Variants in KCNG4 observed in about 807,000 individuals in gnomAD.
KCNG4 encodes the protein voltage-gated potassium channel regulatory subunit KCNG4.
Under a neutral mutation model 28.2 loss-of-function variants are expected in KCNG4, and 30 were observed. That is an observed-to-expected ratio of 1.06 (90% CI 0.80 to 1.44). The LOEUF (loss-of-function observed/expected upper bound fraction) is 1.44. KCNG4 is among the 40% of genes most tolerant of loss of function. KCNG4 has a pLI of 0.00. For missense variants in KCNG4, 879 were observed against 712.3 expected (o/e 1.23, Z -2.66); for synonymous variants, 375 against 315.5 (o/e 1.19, Z -2.00).
At chr16:84,224,403 T>TACACACACACACACACAC (rs58296563) in intron 2 of KCNG4, among the ~76,000 whole-genome samples, 30 of 58,664 alleles carry the variant, frequency 5.1e-4, no homozygotes, top group African/African-American at 1.1e-3. Context: ...TATACATATT[T>TACACACACACACACACAC]ACACACACAC....
rs756227613 is a variant in KCNG4, at chr16:84,222,739, G to T, written c.1038C>A (p.Tyr346Ter). 2 of 1,612,818 alleles carry T rather than the reference G, an allele frequency of 1.2e-6. No homozygotes were observed. The highest frequency in any genetic ancestry group is 1.1e-5 in the South Asian group (1 of 90,940). Reference sequence around the variant, plus strand: ...GCGAGTGGCGAGCCAGGCGCATCACGTAGAGGATGCGCAGCGCTCGCAGCA... The same window carrying T: ...GCGAGTGGCGAGCCAGGCGCATCACTTAGAGGATGCGCAGCGCTCGCAGCA... ...LRVLRALRIL[Y>*]VMRLARHSLG... Residue 346 changes from tyrosine (Y) to a stop codon, truncating the protein, a stop_gained, in exon 3 of 3, where the codon TAC becomes TAA. Transcript: ENST00000308251. LOFTEE classifies it high-confidence loss of function.
Position 84,222,911 on chromosome 16 carries a change from T to C in KCNG4, c.866A>G (p.Gln289Arg). The change falls in exon 3 of 3, where the codon CAG becomes CGG. Residue 289 changes from glutamine to arginine, a missense_variant. Coordinates refer to ENST00000308251, the MANE Select transcript of KCNG4 (RefSeq NM_172347.3). ...GATGTTCAGGGGCCCCTGGAAGAAC[T>C]GACACTTGTCTTGGGCCTGGACAAA... The part of the protein sequence containing the change: ...LRFVQAQDKC[Q>R]FFQGPLNIID... 6.2e-7 allele frequency: 1 copy of C among 1,611,276 alleles called. No homozygotes were observed.
rs1262739062 is a variant in KCNG4, at chr16:84,219,034, G to C, written c.*3183C>G. 1 of 152,256 alleles carries C rather than the reference G, an allele frequency of 6.6e-6. No individual in the cohort carries two copies. Among genetic ancestry groups the C allele is most frequent in the Non-Finnish European group, 1.5e-5 (1 of 68,070 alleles). The allele number at this position is 152,256 out of a possible 1,614,324, so 9.4% of individuals were successfully genotyped here. ...GTGGGTCCCAGACCTTCCAGTGGCT[G>C]TTTAGGCTTTGTCTCTGGTTCCAGA... On this transcript the variant is annotated 3_prime_UTR_variant, in exon 3 of 3. Transcript: ENST00000308251.
rs1327492442 is a variant in KCNG4, at chr16:84,237,010, C to T, written c.476G>A (p.Arg159Lys). The T allele has an allele frequency of 1.9e-6, 3 of 1,613,870 alleles. No individual in the cohort carries two copies. In the Admixed American group the frequency reaches 5.0e-5, roughly 27 times the overall value. The change falls in exon 2 of 3, where the codon AGG becomes AAG. Residue 159 changes from arginine (R) to lysine (K), a missense_variant. Coordinates refer to ENST00000308251, the MANE Select transcript of KCNG4 (RefSeq NM_172347.3). Reference sequence around the variant, plus strand: ...CCTCAGCAGCTTCCGCAGGCAGCACCTCTCCAGGTGGGCCTCCTCGATGCC... The same window carrying T: ...CCTCAGCAGCTTCCGCAGGCAGCACTTCTCCAGGTGGGCCTCCTCGATGCC... ...YWGIEEAHLE[R>K]CCLRKLLRKL...
chr16:84,229,815 A>C (rs1478825227), intron 2 of KCNG4, among the ~76,000 whole-genome samples: 2 of 152,236 alleles, frequency 1.3e-5, no homozygotes, highest in African/African-American at 4.8e-5. Context: ...CTTGGCTGGG[A>C]CATAGGGAGA....
rs1904589273 is a variant in KCNG4, at chr16:84,222,448, G to T, written c.1329C>A (p.Ile443=). 1 of 1,614,016 alleles carries T rather than the reference G, an allele frequency of 6.2e-7. No individual in the cohort carries two copies. Among genetic ancestry groups the T allele is most frequent in the African/African-American group, 1.3e-5 (1 of 74,924 alleles). Residue 443 remains isoleucine (I), a synonymous_variant, in exon 3 of 3, where the codon ATC becomes ATA. Transcript: ENST00000308251. ...MVALSSILSG[I]LIMAFPATSI... ...ACGTGGCCGGGAAGGCCATGATGAG[G>T]ATCCCGCTCAGGATGCTGCTGAGGG... is the stretch of plus-strand genomic sequence containing the variant.
intron 2 of KCNG4, chr16:84,235,317 G>C (rs1422382069): frequency 6.6e-6 from 1 of 152,162 alleles, no homozygotes; most frequent in Non-Finnish European, 1.5e-5. Flanking sequence ...ACTGGGATCA[G>C]GGCACCCTTA....
intron 1 of KCNG4, among the ~76,000 whole-genome samples, chr16:84,237,791 G>C (rs536124735): frequency 1.4e-4 from 21 of 152,282 alleles, no homozygotes; most frequent in Non-Finnish European, 2.8e-4. Context: ...TGCACGGATG[G>C]GGGCTTGAGT....
At chr16:84,224,080 A>T (rs1904640889) in intron 2 of KCNG4, among the ~76,000 whole-genome samples, 1 of 152,278 alleles carries the variant, frequency 6.6e-6, no homozygotes, top group African/African-American at 2.4e-5. Context: ...AGCCAAAAGC[A>T]TCAGCCTCCC....
In KCNG4 at chr16:84,226,856, G is replaced by T. The variant is rs540621401; in HGVS notation, c.757-3836C>A. Among the ~76,000 whole-genome samples the T allele has an allele frequency of 1.4e-3, 211 of 152,042 alleles. No individual in the cohort carries two copies. The highest frequency in any genetic ancestry group is 4.6e-3 in the African/African-American group (192 of 41,490). ...ATTGCACCACTGCACTGCAGCCTGGGCGATAGAGCGAGACTCCGTCTCAAA... is the reference window on the plus strand; with the variant it reads ...ATTGCACCACTGCACTGCAGCCTGGTCGATAGAGCGAGACTCCGTCTCAAA... On this transcript the variant is annotated intron_variant, in intron 2 of 2. Transcript: ENST00000308251. The surrounding 1 kb of genome is among the most constrained non-coding windows in gnomAD (Gnocchi z 4.1).
chr16:84,235,616 CT>C (rs1022044454), intron 2 of KCNG4: 7 of 152,274 alleles, frequency 4.6e-5, no homozygotes, highest in African/African-American at 1.7e-4. Context: ...TGGGCTGGTT[CT>C]CCATTTAAGT....
chr16:84,226,216 A>T lies in KCNG4; in HGVS notation c.757-3196T>A, dbSNP rs1904693872. 6.6e-6 allele frequency among the ~76,000 whole-genome samples: 1 copy of T among 152,182 alleles called. No homozygotes were observed. Among genetic ancestry groups the T allele is most frequent in the East Asian group, 1.9e-4 (1 of 5,192 alleles). ...AGAAGGCCCAGGGTGTGAATGGTGA[A>T]ACAACACCGATGAATCCCACAGGCA... is the stretch of plus-strand genomic sequence containing the variant. On this transcript the variant is annotated intron_variant, in intron 2 of 2. Transcript: ENST00000308251. The surrounding 1 kb of genome is among the most constrained non-coding windows in gnomAD (Gnocchi z 4.1).
In KCNG4 at chr16:84,236,823, C is replaced by A. The variant is rs201858900; in HGVS notation, c.663G>T (p.Lys221Asn). Residue 221 changes from lysine to asparagine, a missense_variant, in exon 2 of 3, where the codon AAG becomes AAT. Physicochemically the swap from Lys to Asn is moderately conservative, Grantham distance 94. Coordinates refer to ENST00000308251, the MANE Select transcript of KCNG4 (RefSeq NM_172347.3). ...VENPQSGLPG[K>N]VFACLSILFV... is the part of the protein sequence containing the mutation. ...AGAGGATGGAGAGGCAAGCGAAGAC[C>A]TTCCCGGGCAGCCCGGACTGCGGGT... 6.2e-7 allele frequency: 1 copy of A among 1,613,606 alleles called. No individual in the cohort carries two copies.
chr16:84,223,704 C>T (rs1045332556), intron 2 of KCNG4, among the ~76,000 whole-genome samples: 4 of 152,124 alleles, frequency 2.6e-5, no homozygotes, highest in East Asian at 1.9e-4. Context: ...ACATAGGAGG[C>T]GGTACCAGGG....
rs777087939 is a variant in KCNG4 at position 84,237,399 on chromosome 16, G to A, written c.87C>T (p.Ser29=). 9 of 1,527,692 alleles carry A rather than the reference G, an allele frequency of 5.9e-6. No homozygotes were observed. In the South Asian group the frequency reaches 1.2e-4, roughly 20 times the overall value. The allele number at this position is 1,527,692 out of a possible 1,614,324, so 94.6% of individuals were successfully genotyped here. The change falls in exon 2 of 3, where the codon AGC becomes AGT. Residue 29 remains serine (S), a synonymous_variant. Coordinates refer to ENST00000308251, the MANE Select transcript of KCNG4 (RefSeq NM_172347.3). ...SHSPWSQLLS[S]PMETPSIKGL... ...CCTTGATGGACGGCGTCTCCATGGG[G>A]CTGGACAGGAGCTGACTCCAAGGGC...
rs1904558369 is a variant in KCNG4 at position 84,221,549 on chromosome 16, G to C, written c.*668C>G. 1 of 152,376 alleles carries C rather than the reference G, an allele frequency of 6.6e-6. No homozygotes were observed. The highest frequency in any genetic ancestry group is 1.9e-4 in the East Asian group (1 of 5,174). 9.4% of individuals were successfully genotyped at this position (152,376 alleles called of 1,614,324 possible). A position where few individuals can be genotyped will look rare whatever the true frequency, so the allele number is the denominator to read the frequency against. On this transcript the variant is annotated 3_prime_UTR_variant, in exon 3 of 3. Transcript: ENST00000308251. ...TGCCTGGGGATGCCTGCTCCTTCTT[G>C]AGCTCCAGGTAAAGGATGGCAGGCT...
chr16:84,238,670 C>T (rs886136177), intron 1 of KCNG4, among the ~76,000 whole-genome samples: 3 of 152,226 alleles, frequency 2.0e-5, no homozygotes, highest in Admixed American at 6.5e-5. Context: ...GTCAGGAGTT[C>T]GAGACCAGCC....
rs756466673 is a variant in KCNG4 at position 84,226,606 on chromosome 16, C to G, written c.757-3586G>C. 6.6e-6 allele frequency among the ~76,000 whole-genome samples: 1 copy of G among 151,810 alleles called. No individual in the cohort carries two copies. Among genetic ancestry groups the G allele is most frequent in the East Asian group, 1.9e-4 (1 of 5,180 alleles). ...AGAATGGCAGAATATTGGCTGGGCA[C>G]AATGGCTCACGCCTGTAATCCCAGC... On this transcript the variant is annotated intron_variant, in intron 2 of 2. Transcript: ENST00000308251. The surrounding 1 kb of genome is among the most constrained non-coding windows in gnomAD (Gnocchi z 4.1).
At position 84,237,827 on chromosome 16, in the gene KCNG4, G is replaced by A. The variant is rs114281510; in HGVS notation, c.-40-302C>T. Among the ~76,000 whole-genome samples the A allele has an allele frequency of 7.8e-3, 1,181 of 152,298 alleles. 26 individuals carry two copies. Among genetic ancestry groups the A allele is most frequent in the African/African-American group, 0.027 (1,136 of 41,556 alleles). ...AATTCAGTCCTGAGCTGGACAAGTCGGAGCGGTGCCACTTCTGGGCTCTGT... is the reference window on the plus strand; with the variant it reads ...AATTCAGTCCTGAGCTGGACAAGTCAGAGCGGTGCCACTTCTGGGCTCTGT... On this transcript the variant is annotated intron_variant, in intron 1 of 2. Transcript: ENST00000308251.
Sources: gnomAD v4.1 joint callset for allele counts (sites outside exome capture counted in the v4.1 genomes callset) on GRCh38, gnomAD v4.1.1 for gene constraint, Gnocchi (gnomAD v3.1) non-coding constraint, MANE v1.5 for transcripts, NCBI Gene and HGNC (gene_info 2026-07-23, HGNC 2026-07-21) for gene names.